AHCYL2: variants seen among roughly 807,000 people sequenced by gnomAD.
The protein encoded by AHCYL2 is adenosylhomocysteinase like 2.
AHCYL2 carries 28 observed loss-of-function variants against 81.4 expected under a neutral mutation model. The observed-to-expected ratio is 0.34, with a 90% CI of 0.25 to 0.47. The LOEUF (loss-of-function observed/expected upper bound fraction) is 0.47, where lower values mean the gene tolerates loss of function less well. Among genes scored for constraint, AHCYL2 ranks in the 20% least tolerant of loss-of-function variants. AHCYL2 has a pLI of 1.00. For missense variants in AHCYL2, 551 were observed against 785.1 expected (o/e 0.70, Z 3.56); for synonymous variants, 272 against 290.2 (o/e 0.94, Z 0.64).
rs58167497 is a variant in AHCYL2, at chr7:129,296,438, G to T, written c.363+70999G>T. Among the ~76,000 whole-genome samples the T allele has an allele frequency of 3.4e-3, 516 of 152,310 alleles. 1 individual carries two copies. The highest frequency in any genetic ancestry group is 0.012 in the African/African-American group (499 of 41,566). On this transcript the variant is annotated intron_variant, in intron 1 of 16. Transcript: ENST00000325006. ...TTTAAATATTTTGGGGCCAGGTATG[G>T]TGGCTCACGCCTATAATCGCAGCAC...
In AHCYL2 at chr7:129,397,296, T is replaced by C. The variant is rs574988130; in HGVS notation, c.795T>C (p.Asn265=). ...WAACNIYSTL[N]EVAAALAESG... ...CCTGCAACATCTATTCCACTCTCAA[T>C]GAAGTGGCTGCTGCTCTAGCAGAAA... The change falls in exon 5 of 17, where the codon AAT becomes AAC. Residue 265 remains asparagine, a synonymous_variant. Coordinates refer to ENST00000325006, the MANE Select transcript of AHCYL2 (RefSeq NM_015328.4). 6.2e-7 allele frequency: 1 copy of C among 1,614,138 alleles called. No homozygotes were observed. Among genetic ancestry groups the C allele is most frequent in the Admixed American group, 1.7e-5 (1 of 60,014 alleles).
intron 11 of AHCYL2, chr7:129,410,268 C>T: frequency 6.2e-7 from 1 of 1,614,130 alleles, no homozygotes; most frequent in Non-Finnish European, 8.5e-7. Context: ...ACTTCCACAT[C>T]TTCCTTCTGT....
Position 129,270,040 on chromosome 7 carries a change from C to T in AHCYL2, c.363+44601C>T, listed in dbSNP as rs182260466. Among the ~76,000 whole-genome samples, 885 of 152,162 alleles carry T rather than the reference C, an allele frequency of 5.8e-3. 7 individuals are homozygous for T. Among genetic ancestry groups the T allele is most frequent in the African/African-American group, 0.02 (834 of 41,506 alleles). ...TTGACTTGGGCCTTCCTTATTCCTGCGTATTATTTAATTTTACAGTGTTTG... is the reference window on the plus strand; with the variant it reads ...TTGACTTGGGCCTTCCTTATTCCTGTGTATTATTTAATTTTACAGTGTTTG... On this transcript the variant is annotated intron_variant, in intron 1 of 16. Coordinates refer to ENST00000325006, the MANE Select transcript of AHCYL2 (RefSeq NM_015328.4).
At chr7:129,269,452 AT>A (rs988663022) in intron 1 of AHCYL2, among the ~76,000 whole-genome samples, 4 of 149,934 alleles carry the variant, frequency 2.7e-5, no homozygotes, top group Non-Finnish European at 4.5e-5. Context: ...TGCCTGGCTA[AT>A]TTTTTTTTTA....
At chr7:129,269,785 A>G (rs549237178) in intron 1 of AHCYL2, among the ~76,000 whole-genome samples, 1 of 152,300 alleles carries the variant, frequency 6.6e-6, no homozygotes, top group South Asian at 2.1e-4. Flanking sequence ...GTGTCTATAG[A>G]TTGATAAATT....
chr7:129,376,314 C>T lies in AHCYL2; in HGVS notation c.364-3324C>T, dbSNP rs185898033. Among the ~76,000 whole-genome samples, 4 of 152,264 alleles carry T rather than the reference C, an allele frequency of 2.6e-5. No homozygotes were observed. In the East Asian group the frequency reaches 7.7e-4, roughly 29 times the overall value. On this transcript the variant is annotated intron_variant, in intron 1 of 16. Coordinates refer to ENST00000325006, the MANE Select transcript of AHCYL2 (RefSeq NM_015328.4). Reference sequence around the variant, plus strand: ...GGAGCCACTTAACTCATGTTCTGGTCGTCAGAGAAAGATACTCGTTTCTTG... The same window carrying T: ...GGAGCCACTTAACTCATGTTCTGGTTGTCAGAGAAAGATACTCGTTTCTTG...
In AHCYL2 at chr7:129,318,471, T is replaced by C. The variant is rs544910942; in HGVS notation, c.364-61167T>C. Among the ~76,000 whole-genome samples the C allele has an allele frequency of 5.9e-5, 9 of 152,322 alleles. No homozygotes were observed. In the South Asian group the frequency reaches 1.9e-3, roughly 32 times the overall value. On this transcript the variant is annotated intron_variant, in intron 1 of 16. Transcript: ENST00000325006. ...ATATTCCTTAAAATAGAAAGTCTAT[T>C]AACAGACCCAAAACATATGTAATAT...
intron 1 of AHCYL2, among the ~76,000 whole-genome samples, chr7:129,233,412 A>G (rs1194332336): frequency 6.6e-6 from 1 of 152,132 alleles, no homozygotes; most frequent in Non-Finnish European, 1.5e-5. Context: ...CTCGGGCTCA[A>G]GTGATCCTCC....
intron 1 of AHCYL2, among the ~76,000 whole-genome samples, chr7:129,256,347 T>C (rs912584736): frequency 6.6e-6 from 1 of 152,208 alleles, no homozygotes; most frequent in Non-Finnish European, 1.5e-5. Context: ...ATTCCCTTCC[T>C]TGAGAGTAAC....
intron 1 of AHCYL2, among the ~76,000 whole-genome samples, chr7:129,258,612 C>T (rs1253723208): frequency 6.8e-6 from 1 of 146,040 alleles, no homozygotes; most frequent in Non-Finnish European, 1.5e-5. Flanking sequence ...AAAATACTGA[C>T]TGACTTCCAG....
At chr7:129,262,765 C>G (rs1327178717) in intron 1 of AHCYL2, among the ~76,000 whole-genome samples, 1 of 152,112 alleles carries the variant, frequency 6.6e-6, no homozygotes, top group East Asian at 1.9e-4. Context: ...CTGGGGTCTC[C>G]TTGGCCAAGA....
intron 1 of AHCYL2, chr7:129,375,932 G>A: frequency 1.3e-6 from 2 of 1,536,108 alleles, no homozygotes; most frequent in Non-Finnish European, 1.7e-6. Flanking sequence ...CCCAGGTGAG[G>A]CTAAGCTCTT....
At chr7:129,373,956 T>A (rs1438280951) in intron 1 of AHCYL2, among the ~76,000 whole-genome samples, 1 of 152,180 alleles carries the variant, frequency 6.6e-6, no homozygotes, top group Non-Finnish European at 1.5e-5. Context: ...CTGTTTCCAT[T>A]TCTGGTAGTG....
chr7:129,292,252 G>A (rs1796891953), intron 1 of AHCYL2, among the ~76,000 whole-genome samples: 1 of 152,132 alleles, frequency 6.6e-6, no homozygotes, highest in Non-Finnish European at 1.5e-5. Flanking sequence ...TAAAGAGGCA[G>A]CCATCCTAGT....
At chr7:129,418,550 C>T (rs1037850178) in intron 12 of AHCYL2, among the ~76,000 whole-genome samples, 1 of 152,114 alleles carries the variant, frequency 6.6e-6, no homozygotes, top group African/African-American at 2.4e-5. Flanking sequence ...CCACCAGCCT[C>T]GGCCTCCCGA....
chr7:129,278,509 A>AT (rs1263741033), intron 1 of AHCYL2, among the ~76,000 whole-genome samples: 1 of 151,772 alleles, frequency 6.6e-6, no homozygotes, highest in African/African-American at 2.4e-5. Context: ...TCTGTGGCTT[A>AT]TTTTTTTTAT....
rs1221797033 is a variant in AHCYL2 at position 129,368,955 on chromosome 7, T to C, written c.364-10683T>C. On this transcript the variant is annotated intron_variant, in intron 1 of 16. Transcript: ENST00000325006. This position sits in a 1 kb window ranked among gnomAD's most constrained non-coding sequence, Gnocchi z 4.4. Reference sequence around the variant, plus strand: ...ACAAAAACAGAACTTACAGAAATGGTGCTCTCTGAAGTCTGCAAAGATTGC... The same window carrying C: ...ACAAAAACAGAACTTACAGAAATGGCGCTCTCTGAAGTCTGCAAAGATTGC... Among the ~76,000 whole-genome samples, 1 of 152,188 alleles carries C rather than the reference T, an allele frequency of 6.6e-6. No individual in the cohort carries two copies. Among genetic ancestry groups the C allele is most frequent in the African/African-American group, 2.4e-5 (1 of 41,448 alleles).
chr7:129,417,317 C>G (rs1796906619), intron 12 of AHCYL2, among the ~76,000 whole-genome samples: 1 of 152,072 alleles, frequency 6.6e-6, no homozygotes, highest in Non-Finnish European at 1.5e-5. Flanking sequence ...GAGCGTAGGA[C>G]AAGGAAGAGT....
At chr7:129,264,726 C>T (rs963499189) in intron 1 of AHCYL2, among the ~76,000 whole-genome samples, 4 of 152,154 alleles carry the variant, frequency 2.6e-5, no homozygotes, top group African/African-American at 7.2e-5. Context: ...TCAAGGAACT[C>T]GAAGGCTAAG....
Sources: allele counts gnomAD v4.1 joint callset (sites outside exome capture counted in the v4.1 genomes callset), GRCh38; gene constraint gnomAD v4.1.1; non-coding constraint Gnocchi (gnomAD v3.1); transcripts MANE v1.5; gene names NCBI Gene and HGNC (gene_info 2026-07-23, HGNC 2026-07-21).